CFAP77: variants seen among roughly 807,000 people sequenced by gnomAD.
CFAP77 encodes the protein cilia and flagella associated protein 77.
Under a neutral mutation model 31.1 loss-of-function variants are expected in CFAP77, and 25 were observed. The observed-to-expected ratio is 0.80, with a 90% CI of 0.59 to 1.12. The LOEUF is 1.12. Ranked by LOEUF, CFAP77 falls within the 50% of genes most tolerant of loss-of-function variation. The pLI, the probability that CFAP77 is intolerant of heterozygous loss-of-function variation, is 0.00. For synonymous variants in CFAP77, 151 were observed against 159.9 expected (o/e 0.94, Z 0.42); for missense variants, 377 against 397.3 (o/e 0.95, Z 0.44).
intron 5 of CFAP77, among the ~76,000 whole-genome samples, chr9:132,553,778 T>G (rs1852856504): frequency 6.6e-6 from 1 of 152,256 alleles, no homozygotes; most frequent in Non-Finnish European, 1.5e-5. Context: ...ATTCTCTACC[T>G]TTATCCACAT....
intron 1 of CFAP77, among the ~76,000 whole-genome samples, chr9:132,418,590 C>T (rs775679480): frequency 9.2e-5 from 14 of 152,200 alleles, no homozygotes; most frequent in African/African-American, 2.4e-4. Flanking sequence ...GAATCCGTTT[C>T]GTTTCCCGAG....
intron 5 of CFAP77, among the ~76,000 whole-genome samples, chr9:132,550,411 A>T (rs1200565733): frequency 6.6e-6 from 1 of 151,740 alleles, no homozygotes; most frequent in Admixed American, 6.6e-5. Flanking sequence ...TCTTCTTCCG[A>T]CTTCTAGCTC....
rs1224920212 is a variant in CFAP77 at position 132,481,519 on chromosome 9, G to T, written c.196-17176G>T. On this transcript the variant is annotated intron_variant, in intron 1 of 5. Transcript: ENST00000393216. This position sits in a 1 kb window ranked among gnomAD's most constrained non-coding sequence, Gnocchi z 5.0. ...CGAGCACAGTGGCTTGCACCCCGTC[G>T]GTGGCTGCTGCCCCGCTCCTGCTAG... is the stretch of plus-strand genomic sequence containing the variant. 6.6e-6 allele frequency among the ~76,000 whole-genome samples: 1 copy of T among 152,156 alleles called. No individual in the cohort carries two copies. The highest frequency in any genetic ancestry group is 2.1e-4 in the South Asian group (1 of 4,822).
intron 1 of CFAP77, among the ~76,000 whole-genome samples, chr9:132,452,613 T>C (rs545722308): frequency 6.6e-6 from 1 of 152,268 alleles, no homozygotes; most frequent in East Asian, 1.9e-4. Flanking sequence ...GCCACTAACA[T>C]TGGATTCTGC....
chr9:132,454,480 T>C (rs1256070948), intron 1 of CFAP77, among the ~76,000 whole-genome samples: 1 of 152,212 alleles, frequency 6.6e-6, no homozygotes, highest in Admixed American at 6.5e-5. Context: ...TGTTCAGGTG[T>C]TACTGAGGTT....
chr9:132,567,201 T>G (rs937806778), intron 5 of CFAP77, among the ~76,000 whole-genome samples: 11 of 152,174 alleles, frequency 7.2e-5, no homozygotes, highest in African/African-American at 2.7e-4. Flanking sequence ...AAAATGTGTG[T>G]GGTTAGTCAT....
At chr9:132,526,422 C>T (rs868320877) in intron 3 of CFAP77, among the ~76,000 whole-genome samples, 4 of 151,630 alleles carry the variant, frequency 2.6e-5, no homozygotes, top group South Asian at 2.1e-4. Context: ...TTAGTAGAGA[C>T]GGGGTTTCAC....
chr9:132,536,618 T>TG (rs922080255), intron 3 of CFAP77, among the ~76,000 whole-genome samples: 1 of 152,158 alleles, frequency 6.6e-6, no homozygotes, highest in Non-Finnish European at 1.5e-5. Context: ...GGTGGCAAAC[T>TG]CCTGACCTCA....
chr9:132,568,040 A>G (rs150177350), intron 5 of CFAP77, among the ~76,000 whole-genome samples: 1 of 152,100 alleles, frequency 6.6e-6, no homozygotes, highest in Non-Finnish European at 1.5e-5. Flanking sequence ...GGTTCAGCTC[A>G]CTACAAGGGC....
At position 132,511,110 on chromosome 9, in the gene CFAP77, C is replaced by T. The variant is rs1348690147; in HGVS notation, c.524+11510C>T. On this transcript the variant is annotated intron_variant, in intron 3 of 5. Transcript: ENST00000393216. This position sits in a 1 kb window ranked among gnomAD's most constrained non-coding sequence, Gnocchi z 5.8. Reference sequence around the variant, plus strand: ...TTTGGGATACAGAGAAAATAAAACACAAAACAAACCAATATGCAATCAGCA... The same window carrying T: ...TTTGGGATACAGAGAAAATAAAACATAAAACAAACCAATATGCAATCAGCA... 6.6e-6 allele frequency among the ~76,000 whole-genome samples: 1 copy of T among 152,138 alleles called. No individual in the cohort carries two copies. The highest frequency in any genetic ancestry group is 1.5e-5 in the Non-Finnish European group (1 of 68,028).
At chr9:132,460,717 A>T (rs1851032944) in intron 1 of CFAP77, among the ~76,000 whole-genome samples, 1 of 152,050 alleles carries the variant, frequency 6.6e-6, no homozygotes, top group South Asian at 2.1e-4. Flanking sequence ...AACATTGTGA[A>T]TCTACTCAAT....
At position 132,497,332 on chromosome 9, in the gene CFAP77, C is replaced by T. The variant is rs374473289; in HGVS notation, c.196-1363C>T. 2.0e-4 allele frequency among the ~76,000 whole-genome samples: 31 copies of T among 152,316 alleles called. No individual in the cohort carries two copies. The East Asian group carries it at 4.6e-3, about 23-fold the overall frequency. ...GGAGCTGGAGAGAGGGGGATATAGA[C>T]GAGATGGCAGGAGACAGCGAGGCCA... On this transcript the variant is annotated intron_variant, in intron 1 of 5. Transcript: ENST00000393216. This position sits in a 1 kb window ranked among gnomAD's most constrained non-coding sequence, Gnocchi z 4.9.
At chr9:132,546,037 C>G (rs1356086265) in intron 5 of CFAP77, among the ~76,000 whole-genome samples, 1 of 152,222 alleles carries the variant, frequency 6.6e-6, no homozygotes, top group Non-Finnish European at 1.5e-5. Context: ...CAGTTCCACA[C>G]CTTGTCCCCA....
chr9:132,541,928 A>C (rs1451525286), intron 4 of CFAP77, among the ~76,000 whole-genome samples: 2 of 152,224 alleles, frequency 1.3e-5, no homozygotes, highest in Non-Finnish European at 2.9e-5. Flanking sequence ...CGCCCTTGGA[A>C]GACAGTTGCC....
chr9:132,532,268 C>T (rs557131879), intron 3 of CFAP77, among the ~76,000 whole-genome samples: 3 of 152,304 alleles, frequency 2.0e-5, no homozygotes, highest in East Asian at 1.9e-4. Flanking sequence ...AGACTGGCCT[C>T]GGAGCACGGC....
chr9:132,499,440 G>T lies in CFAP77; in HGVS notation c.364G>T (p.Ala122Ser), dbSNP rs746755413. 1.2e-5 allele frequency: 19 copies of T among 1,614,166 alleles called. No homozygotes were observed. The highest frequency in any genetic ancestry group is 1.1e-4 in the South Asian group (10 of 91,074). The change falls in exon 3 of 6, where the codon GCA (alanine) becomes TCA (serine). Residue 122 changes from alanine to serine, a missense_variant. Transcript: ENST00000393216. The surrounding 1 kb of genome is among the most constrained non-coding windows in gnomAD (Gnocchi z 5.4). ...CPHELTRNYIAMNRGAVKAGL... is the reference protein window; with the variant it reads ...CPHELTRNYISMNRGAVKAGL... ...CCACGAGCTGACCCGGAATTATATC[G>T]CAATGAACCGCGGGGCGGTGAAAGC...
intron 3 of CFAP77, among the ~76,000 whole-genome samples, chr9:132,504,079 G>A (rs12350439): frequency 0.013 from 1,923 of 152,306 alleles, 51 homozygotes; most frequent in African/African-American, 0.043. Context: ...AAGGACACTT[G>A]TGATCACCTG....
chr9:132,546,612 G>A (rs1304664084), intron 5 of CFAP77, among the ~76,000 whole-genome samples: 4 of 152,250 alleles, frequency 2.6e-5, no homozygotes, highest in Non-Finnish European at 5.9e-5. Flanking sequence ...AGACCCCCGC[G>A]CTGGATGACC....
intron 1 of CFAP77, among the ~76,000 whole-genome samples, chr9:132,486,088 ATATTT>A (rs1315759679): frequency 7.0e-5 from 2 of 28,534 alleles, no homozygotes; most frequent in Non-Finnish European, 9.7e-5. Flanking sequence ...ATATATATAT[ATATTT>A]TTTTTTTTTT....
Sources: gnomAD v4.1 joint callset for allele counts (sites outside exome capture counted in the v4.1 genomes callset) on GRCh38, gnomAD v4.1.1 for gene constraint, Gnocchi (gnomAD v3.1) non-coding constraint, MANE v1.5 for transcripts, NCBI Gene and HGNC (gene_info 2026-07-23, HGNC 2026-07-21) for gene names.